WDR41: variants seen among roughly 807,000 people sequenced by gnomAD.
WDR41 encodes WD repeat domain 41.
A neutral mutation model predicts 69.3 loss-of-function variants in WDR41; 63 were observed. That is an observed-to-expected ratio of 0.91 (90% CI 0.74 to 1.12). WDR41 has a LOEUF of 1.12. WDR41 is among the 50% of genes most tolerant of loss of function. WDR41 has a pLI of 0.00. For synonymous variants in WDR41, 185 were observed against 192.1 expected (o/e 0.96, Z 0.31); for missense variants, 543 against 534.5 (o/e 1.02, Z -0.16).
At chr5:77,591,247 T>C (rs941039090) in intron 1 of WDR41, among the ~76,000 whole-genome samples, 1 of 152,112 alleles carries the variant, frequency 6.6e-6, no homozygotes, top group Non-Finnish European at 1.5e-5. Context: ...TCTATAGCAA[T>C]GTCTCATTTT....
chr5:77,464,680 C>T (rs1800222404), intron 3 of WDR41, 81 bp downstream of exon 3: 1 of 1,391,460 alleles, frequency 7.2e-7, no homozygotes, highest in Non-Finnish European at 1.0e-6. Flanking sequence ...TAAATGTATC[C>T]CCAGATAGTA....
intron 2 of WDR41, among the ~76,000 whole-genome samples, chr5:77,473,093 G>A (rs1308378819): frequency 6.6e-6 from 1 of 152,078 alleles, no homozygotes; most frequent in Non-Finnish European, 1.5e-5. Context: ...ACCAAAAACA[G>A]AGATATAGAC....
At chr5:77,533,800 T>C (rs1435957598) in intron 1 of WDR41, among the ~76,000 whole-genome samples, 1 of 152,186 alleles carries the variant, frequency 6.6e-6, no homozygotes, top group Non-Finnish European at 1.5e-5. Flanking sequence ...CTTCATATCC[T>C]TAAACCTTAT....
At chr5:77,616,420 T>A (rs1561241335) in intron 1 of WDR41, among the ~76,000 whole-genome samples, 1 of 152,194 alleles carries the variant, frequency 6.6e-6, no homozygotes, top group Non-Finnish European at 1.5e-5. Context: ...TAGCAGCACA[T>A]CTGACCAGGT....
chr5:77,609,113 A>C (rs900635690), intron 1 of WDR41, among the ~76,000 whole-genome samples: 21 of 152,162 alleles, frequency 1.4e-4, no homozygotes, highest in African/African-American at 4.6e-4. Context: ...GGGGCACCCG[A>C]CATTGCCCAG....
chr5:77,454,562 G>A (rs1418070468), intron 5 of WDR41, among the ~76,000 whole-genome samples: 2 of 152,060 alleles, frequency 1.3e-5, no homozygotes, highest in African/African-American at 4.8e-5. Flanking sequence ...AATAAATAAT[G>A]CCCAAGTCTT....
intron 5 of WDR41, among the ~76,000 whole-genome samples, chr5:77,458,446 G>C (rs1799918173): frequency 6.6e-6 from 1 of 152,086 alleles, no homozygotes; most frequent in Admixed American, 6.6e-5. Context: ...TCCAAAACTT[G>C]CTTACATTAC....
At chr5:77,594,740 G>A (rs1466907652) in intron 1 of WDR41, among the ~76,000 whole-genome samples, 1 of 152,174 alleles carries the variant, frequency 6.6e-6, no homozygotes, top group Non-Finnish European at 1.5e-5. Flanking sequence ...CTGAGCTACA[G>A]GGGAAAAAAA....
upstream of WDR41, among the ~76,000 whole-genome samples, chr5:77,493,839 C>T (rs1269831665): frequency 6.6e-6 from 1 of 152,198 alleles, no homozygotes; most frequent in Non-Finnish European, 1.5e-5. Flanking sequence ...TTGCCCCATG[C>T]TCTTTAGGGT....
intron 1 of WDR41, among the ~76,000 whole-genome samples, chr5:77,616,303 A>T (rs1340973509): frequency 3.3e-5 from 5 of 152,308 alleles, no homozygotes; most frequent in Middle Eastern, 3.4e-3. Context: ...AATGCAATGT[A>T]TTTAAGCCCT....
chr5:77,469,701 T>G (rs1235704865), intron 2 of WDR41, among the ~76,000 whole-genome samples: 1 of 151,310 alleles, frequency 6.6e-6, no homozygotes, highest in South Asian at 2.1e-4. Flanking sequence ...ATCAAATGAA[T>G]GAAATGAAGT....
intron 1 of WDR41, among the ~76,000 whole-genome samples, chr5:77,516,838 G>A (rs957530802): frequency 3.9e-5 from 6 of 151,998 alleles, no homozygotes; most frequent in Admixed American, 6.6e-5. Flanking sequence ...TTAACAGGGC[G>A]AAACCCTGTC....
At chr5:77,439,543 TG>T (rs562573798) in intron 9 of WDR41, among the ~76,000 whole-genome samples, 190 of 152,320 alleles carry the variant, frequency 1.2e-3, no homozygotes, top group African/African-American at 4.4e-3. Flanking sequence ...CCAGGAAATC[TG>T]GGCACAGTTT....
Position 77,489,512 on chromosome 5 carries a change from C to G in WDR41, c.112G>C (p.Val38Leu). The change falls in exon 2 of 13, where the codon GTA (valine) becomes CTA (leucine). Residue 38 changes from valine (V) to leucine (L), a missense_variant. By Grantham distance (32) the Val-to-Leu change is conservative (BLOSUM62 1). Transcript: ENST00000296679. ...QTQNPYTELL[V>L]LKAHHDIVRF... The stretch of plus-strand genomic sequence containing the variant: ...ACAATATCATGATGAGCCTTCAGTA[C>G]TAGCAGTTCAGTGTAGGGATTCTGG... 1 of 1,609,188 alleles carries G rather than the reference C, an allele frequency of 6.2e-7. No individual in the cohort carries two copies. The highest frequency in any genetic ancestry group is 8.5e-7 in the Non-Finnish European group (1 of 1,178,480).
chr5:77,503,209 AAGC>A (rs1238194244), intron 1 of WDR41, among the ~76,000 whole-genome samples: 1 of 151,078 alleles, frequency 6.6e-6, no homozygotes, highest in Non-Finnish European at 1.5e-5. Flanking sequence ...AAAAAAAAAA[AAGC>A]AGGAGTTGCC....
At chr5:77,543,733 G>C (rs1217232558) in intron 1 of WDR41, among the ~76,000 whole-genome samples, 1 of 152,066 alleles carries the variant, frequency 6.6e-6, no homozygotes, top group African/African-American at 2.4e-5. Flanking sequence ...AAACATAATT[G>C]GGAGAGTAAT....
intron 5 of WDR41, among the ~76,000 whole-genome samples, chr5:77,455,685 G>A (rs1799801565): frequency 6.6e-6 from 1 of 152,130 alleles, no homozygotes; most frequent in South Asian, 2.1e-4. Context: ...AATTGACACA[G>A]CATCATTTTT....
At position 77,438,306 on chromosome 5, in the gene WDR41, C is replaced by T. The variant is rs77995935; in HGVS notation, c.938G>A (p.Arg313His). 3.2e-4 allele frequency: 521 copies of T among 1,614,070 alleles called. 2 individuals are homozygous for T. In the East Asian group the frequency reaches 8.0e-3, roughly 25 times the overall value. ...GLYVYSLQMKRVIACQKTAHD... is the reference protein window; with the variant it reads ...GLYVYSLQMKHVIACQKTAHD... Reference sequence around the variant, plus strand: ...TGCAGTTTTCTGGCAGGCAATCACACGCTTCATTTGAAGGCTATACACGTA... The same window carrying T: ...TGCAGTTTTCTGGCAGGCAATCACATGCTTCATTTGAAGGCTATACACGTA... Residue 313 changes from arginine (R) to histidine (H), a missense_variant, in exon 10 of 13, where the codon CGT (arginine) becomes CAT (histidine). Coordinates refer to ENST00000296679, the MANE Select transcript of WDR41 (RefSeq NM_018268.4).
chr5:77,569,380 T>C (rs1458936428), intron 1 of WDR41, among the ~76,000 whole-genome samples: 4 of 152,182 alleles, frequency 2.6e-5, no homozygotes, highest in South Asian at 2.1e-4. Context: ...TTTTTTCCTA[T>C]GGAAACTCAT....
Sources: allele counts gnomAD v4.1 joint callset (sites outside exome capture counted in the v4.1 genomes callset), GRCh38; gene constraint gnomAD v4.1.1; transcripts MANE v1.5; gene names NCBI Gene and HGNC (gene_info 2026-07-23, HGNC 2026-07-21).